Variants in SELP observed in about 807,000 individuals in gnomAD.
SELP encodes P-selectin.
A neutral mutation model predicts 104.1 loss-of-function variants in SELP; 92 were observed. That is an observed-to-expected ratio of 0.88 (90% CI 0.75 to 1.05). SELP has a LOEUF of 1.05. SELP is among the 50% of genes least tolerant of loss of function. The probability of loss-of-function intolerance (pLI) is 0.00; values close to 1 mark genes in which losing one functional copy is unlikely to be tolerated. For missense variants in SELP, 1,022 were observed against 1,017.3 expected (o/e 1.00, Z -0.06); for synonymous variants, 397 against 364.5 (o/e 1.09, Z -1.01).
chr1:169,617,510 A>C, intron 2 of SELP, 96 bp from the exon 3 acceptor site: 1 of 1,276,762 alleles, frequency 7.8e-7, no homozygotes, highest in Non-Finnish European at 1.1e-6. Context: ...TGAATTTCCG[A>C]CCAGAACATT....
intron 1 of SELP, among the ~76,000 whole-genome samples, chr1:169,620,726 C>A (rs1186316358): frequency 1.8e-5 from 2 of 108,606 alleles, no homozygotes; most frequent in South Asian, 6.5e-4. Context: ...GGACGGTGTG[C>A]GGTTGTGTGT....
At chr1:169,627,817 A>G (rs1434440954) in intron 1 of SELP, among the ~76,000 whole-genome samples, 3 of 152,216 alleles carry the variant, frequency 2.0e-5, no homozygotes, top group African/African-American at 7.2e-5. Flanking sequence ...AAAGAAGAGT[A>G]AGGACTGGAA....
chr1:169,602,899 A>G (rs1661976248), intron 10 of SELP, 127 bp downstream of exon 10: 1 of 635,118 alleles, frequency 1.6e-6, no homozygotes, highest in East Asian at 2.9e-5. Context: ...TTTTTTATCT[A>G]GATTACCATT....
chr1:169,630,086 C>G lies in SELP; in HGVS notation c.-12G>C. 6.2e-7 allele frequency: 1 copy of G among 1,614,212 alleles called. No individual in the cohort carries two copies. Among genetic ancestry groups the G allele is most frequent in the Non-Finnish European group, 8.5e-7 (1 of 1,180,010 alleles). ...AATAAACTCACCATCTCCTCTGTGACTCTGCTGGTTTTCTGCCTTCTGCCC... is the reference window on the plus strand; with the variant it reads ...AATAAACTCACCATCTCCTCTGTGAGTCTGCTGGTTTTCTGCCTTCTGCCC... On this transcript the variant is annotated 5_prime_UTR_variant, in exon 1 of 17. Coordinates refer to ENST00000263686, the MANE Select transcript of SELP (RefSeq NM_003005.4).
At chr1:169,616,949 C>A (rs1662841838) in intron 3 of SELP, 79 bp downstream of exon 3, 5 of 1,298,532 alleles carry the variant, frequency 3.9e-6, no homozygotes, top group Admixed American at 5.7e-5. Flanking sequence ...TGTGTTGACT[C>A]GGTGGTTATG....
chr1:169,621,779 T>C (rs1663148356), intron 1 of SELP, among the ~76,000 whole-genome samples: 3 of 152,226 alleles, frequency 2.0e-5, no homozygotes, highest in Admixed American at 1.3e-4. Flanking sequence ...GAGAGTATCA[T>C]AACGTTATGA....
intron 8 of SELP, among the ~76,000 whole-genome samples, chr1:169,608,822 C>T (rs552442280): frequency 6.6e-6 from 1 of 152,238 alleles, no homozygotes; most frequent in South Asian, 2.1e-4. Context: ...ACTTCTGGAA[C>T]ATGACTTTAG....
chr1:169,593,667 G>C lies in SELP; in HGVS notation c.2345C>G (p.Thr782Arg). 6.2e-7 allele frequency: 1 copy of C among 1,613,346 alleles called. No individual in the cohort carries two copies. The highest frequency in any genetic ancestry group is 8.5e-7 in the Non-Finnish European group (1 of 1,179,490). The change falls in exon 14 of 17, where the codon ACG becomes AGG. Residue 782 changes from threonine to arginine, a missense_variant. By Grantham distance (71) the Thr-to-Arg change is moderately conservative (BLOSUM62 -1). Coordinates refer to ENST00000263686, the MANE Select transcript of SELP (RefSeq NM_003005.4). ...LTYFGGAVASTIGLIMGGTLL... is the reference protein window; with the variant it reads ...LTYFGGAVASRIGLIMGGTLL... ...CGTCCCACCCATTATCAGACCTATC[G>C]TAGAAGCCACCGCTCCACCAAAGTA...
rs995169024 is a variant in SELP at position 169,609,940 on chromosome 1, A to G, written c.1148-251T>C. Among the ~76,000 whole-genome samples the G allele has an allele frequency of 6.6e-5, 10 of 151,732 alleles. 1 individual carries two copies. The highest frequency in any genetic ancestry group is 1.2e-4 in the Non-Finnish European group (8 of 67,986). The stretch of plus-strand genomic sequence containing the variant: ...TTAGGAAGCCCTCCCTTCCCACCTT[A>G]ACTAAGGGTAGAAGCCCCTGCAATG... On this transcript the variant is annotated intron_variant, in intron 7 of 16. Transcript: ENST00000263686.
chr1:169,613,747 G>A (rs978320710), intron 3 of SELP, 54 bp from the exon 4 acceptor site: 1 of 1,484,108 alleles, frequency 6.7e-7, no homozygotes, highest in Non-Finnish European at 9.4e-7. Flanking sequence ...GTGAGGAAAG[G>A]CTGAATTCTC....
At position 169,596,991 on chromosome 1, in the gene SELP, C is replaced by T; in HGVS notation, c.1891G>A (p.Gly631Ser). The T allele has an allele frequency of 6.2e-7, 1 of 1,608,888 alleles. No individual in the cohort carries two copies. Among genetic ancestry groups the T allele is most frequent in the Non-Finnish European group, 8.5e-7 (1 of 1,177,324 alleles). The change falls in exon 11 of 17, where the codon GGC (glycine) becomes AGC (serine). Residue 631 changes from glycine to serine, a missense_variant and splice_region_variant. Gly to Ser is a moderately conservative substitution (Grantham distance 56, BLOSUM62 0). Coordinates refer to ENST00000263686, the MANE Select transcript of SELP (RefSeq NM_003005.4). ...RWSATPPTCKGIASLPTPGVQ... is the reference protein window; with the variant it reads ...RWSATPPTCKSIASLPTPGVQ... Reference sequence around the variant, plus strand: ...TGTCTTAGCAAGTACATATTATTACCTTTGCAGGTTGGTGGAGTAGCTGAC... The same window carrying T: ...TGTCTTAGCAAGTACATATTATTACTTTTGCAGGTTGGTGGAGTAGCTGAC...
chr1:169,600,823 C>T (rs956339901), intron 10 of SELP, among the ~76,000 whole-genome samples: 2 of 152,180 alleles, frequency 1.3e-5, no homozygotes, highest in Admixed American at 1.3e-4. Flanking sequence ...AGAAGAAACA[C>T]AAATGCAAAA....
chr1:169,629,807 A>G (rs1026860010), intron 1 of SELP, among the ~76,000 whole-genome samples: 3 of 152,224 alleles, frequency 2.0e-5, no homozygotes, highest in Admixed American at 2.0e-4. Context: ...GTAGCCTAAC[A>G]GTGAAGCTTA....
At chr1:169,600,727 T>C (rs1178169045) in intron 10 of SELP, among the ~76,000 whole-genome samples, 2 of 152,188 alleles carry the variant, frequency 1.3e-5, no homozygotes, top group African/African-American at 4.8e-5. Context: ...GGGGCAGTGC[T>C]GAGGGTTAAA....
Position 169,609,606 on chromosome 1 carries a change from T to G in SELP, c.1231A>C (p.Asn411His), listed in dbSNP as rs1417984934. 6 of 1,614,040 alleles carry G rather than the reference T, an allele frequency of 3.7e-6. No homozygotes were observed. The highest frequency in any genetic ancestry group is 5.1e-6 in the Non-Finnish European group (6 of 1,179,964). The change falls in exon 8 of 17, where the codon AAC becomes CAC. Residue 411 changes from asparagine (N) to histidine (H), a missense_variant. Coordinates refer to ENST00000263686, the MANE Select transcript of SELP (RefSeq NM_003005.4). ...CCTTCAGCACAGCGGAAGCTACAGT[T>G]GGTGTCATACTGAAACGCTCTCAAG... ...PSLRAFQYDT[N>H]CSFRCAEGFM...
intron 3 of SELP, among the ~76,000 whole-genome samples, chr1:169,615,029 A>G (rs1219265251): frequency 1.3e-5 from 2 of 152,196 alleles, no homozygotes; most frequent in Non-Finnish European, 2.9e-5. Flanking sequence ...AATGTTCTGT[A>G]TTCTATCCCA....
At chr1:169,599,914 G>T (rs191550575) in intron 10 of SELP, among the ~76,000 whole-genome samples, 2 of 152,268 alleles carry the variant, frequency 1.3e-5, no homozygotes, top group Admixed American at 1.3e-4. Flanking sequence ...TTAGGAGTTG[G>T]GTTCAGCAGC....
At chr1:169,619,269 T>C (rs1399807903) in intron 1 of SELP, 50 bp from the exon 2 acceptor site, 2 of 1,287,760 alleles carry the variant, frequency 1.6e-6, no homozygotes, top group African/African-American at 1.5e-5. Flanking sequence ...ACCACCAACA[T>C]GGCCAAAAAT....
In SELP at chr1:169,596,974, C is replaced by T. The variant is rs769588297; in HGVS notation, c.1891+17G>A. 1.3e-6 allele frequency: 2 copies of T among 1,598,918 alleles called. No individual in the cohort carries two copies. Among genetic ancestry groups the T allele is most frequent in the South Asian group, 1.1e-5 (1 of 89,688 alleles). On this transcript the variant is annotated intron_variant, in intron 11 of 16. Transcript: ENST00000263686. ...ATTTCCAAAAGTAGAACTGTCTTAG[C>T]AAGTACATATTATTACCTTTGCAGG...
Sources: allele counts gnomAD v4.1 joint callset (sites outside exome capture counted in the v4.1 genomes callset), GRCh38; gene constraint gnomAD v4.1.1; transcripts MANE v1.5; gene names NCBI Gene and HGNC (gene_info 2026-07-23, HGNC 2026-07-21).